The following INPP5A variants were observed in gnomAD, a reference collection of about 807,000 sequenced individuals.
INPP5A encodes the protein 43 kDa inositol polyphosphate 5-phophatase.
Under a neutral mutation model 65.2 loss-of-function variants are expected in INPP5A, and 14 were observed. That is an observed-to-expected ratio of 0.21 (90% confidence interval 0.14 to 0.34). The LOEUF (loss-of-function observed/expected upper bound fraction) is 0.34. Ranked by LOEUF, INPP5A falls within the 10% of genes least tolerant of loss-of-function variation. The probability of loss-of-function intolerance (pLI) is 1.00; values close to 1 mark genes in which losing one functional copy is unlikely to be tolerated. For missense variants in INPP5A, 431 were observed against 545.6 expected, an observed-to-expected ratio of 0.79 and a Z score of 2.09; for synonymous variants, 207 against 208.3, an observed-to-expected ratio of 0.99 and a Z score of 0.05.
Position 132,718,392 on chromosome 10 carries a change from G to A in INPP5A, c.647+7936G>A, listed in dbSNP as rs1231905265. 5.2e-3 allele frequency among the ~76,000 whole-genome samples: 750 copies of A among 144,460 alleles called. 4 individuals carry two copies. The highest frequency in any genetic ancestry group is 7.6e-3 in the Non-Finnish European group (490 of 64,760). 94.8% of individuals were successfully genotyped at this position (144,460 alleles called of 152,430 possible). A position where few individuals can be genotyped will look rare whatever the true frequency, so the allele number is the denominator to read the frequency against. ...TGTGGTGCCTGGGTTCTGTCTGGGC[G>A]CCTTAGACGACTGTCTTGCGGGTTC... is the stretch of plus-strand genomic sequence containing the variant. On this transcript the variant is annotated intron_variant, in intron 8 of 15. Coordinates refer to ENST00000368594, the MANE Select transcript of INPP5A (RefSeq NM_005539.5).
At chr10:132,680,382 C>G (rs186628072) in intron 4 of INPP5A, among the ~76,000 whole-genome samples, 23 of 152,360 alleles carry the variant, frequency 1.5e-4, no homozygotes, top group Admixed American at 1.2e-3. Context: ...TAGGGAGATG[C>G]AGATCCAAAC....
chr10:132,777,127 T>G (rs1847078422), intron 12 of INPP5A, among the ~76,000 whole-genome samples: 1 of 152,110 alleles, frequency 6.6e-6, no homozygotes, highest in Non-Finnish European at 1.5e-5. Flanking sequence ...CAGGAAGCAG[T>G]GAGTCGGGGA....
At chr10:132,591,082 C>G (rs946495955) in intron 1 of INPP5A, among the ~76,000 whole-genome samples, 53 of 152,334 alleles carry the variant, frequency 3.5e-4, no homozygotes, top group Admixed American at 2.9e-3. Flanking sequence ...TCTGTGACTC[C>G]TCTATGGGTC....
intron 12 of INPP5A, among the ~76,000 whole-genome samples, chr10:132,771,572 C>T (rs2134683387): frequency 6.6e-6 from 1 of 152,304 alleles, no homozygotes; most frequent in Admixed American, 6.5e-5. Context: ...AACTCCAGAA[C>T]TGCCCAAAAC....
rs2133334130 is a variant in INPP5A at position 132,603,825 on chromosome 10, C to T, written c.76-4090C>T. Among the ~76,000 whole-genome samples the T allele has an allele frequency of 6.6e-6, 1 of 152,284 alleles. No homozygotes were observed. Among genetic ancestry groups the T allele is most frequent in the Non-Finnish European group, 1.5e-5 (1 of 68,024 alleles). On this transcript the variant is annotated intron_variant, in intron 1 of 15. Transcript: ENST00000368594. This position sits in a 1 kb window ranked among gnomAD's most constrained non-coding sequence, Gnocchi z 4.2. ...TCCGTTTTCAGCCCTTGGTTCTGTA[C>T]TGTGTGGACATGGTGTGGGTCACTG...
chr10:132,687,765 C>G (rs1038493667), intron 4 of INPP5A, among the ~76,000 whole-genome samples: 3 of 152,212 alleles, frequency 2.0e-5, no homozygotes, highest in African/African-American at 7.2e-5. Context: ...GCACTCGCAC[C>G]TGCCACCTGT....
intron 12 of INPP5A, among the ~76,000 whole-genome samples, chr10:132,774,903 GGA>G (rs1190809633): frequency 2.6e-5 from 1 of 39,176 alleles, no homozygotes; most frequent in African/African-American, 8.4e-5. Context: ...GGGGCAGGGA[GGA>G]GAGAGGGGCA....
chr10:132,620,293 A>G (rs1360389837), intron 2 of INPP5A, among the ~76,000 whole-genome samples: 1 of 152,000 alleles, frequency 6.6e-6, no homozygotes, highest in Admixed American at 6.6e-5. Flanking sequence ...AGCCTTTTTG[A>G]TTTTCTTTCC....
Position 132,650,617 on chromosome 10 carries a change from C to T in INPP5A, c.306+112C>T. The T allele has an allele frequency of 1.3e-6, 1 of 753,728 alleles. No homozygotes were observed. The highest frequency in any genetic ancestry group is 2.6e-5 in the East Asian group (1 of 38,706). 46.7% of individuals were successfully genotyped at this position (753,728 alleles called of 1,614,324 possible). A position where few individuals can be genotyped will look rare whatever the true frequency, so the allele number is the denominator to read the frequency against. On this transcript the variant is annotated intron_variant, in intron 4 of 15. Coordinates refer to ENST00000368594, the MANE Select transcript of INPP5A (RefSeq NM_005539.5). The surrounding 1 kb of genome is among the most constrained non-coding windows in gnomAD (Gnocchi z 5.5). The stretch of plus-strand genomic sequence containing the variant: ...TCGGGGTGCTCCCTGCCTGAAGCCT[C>T]ACTCACGCTGCCCTGCCTGGCACTC...
chr10:132,574,713 C>CA (rs2071394535), intron 1 of INPP5A, among the ~76,000 whole-genome samples: 1 of 137,880 alleles, frequency 7.3e-6, no homozygotes, highest in African/African-American at 2.8e-5. Flanking sequence ...TTTTTTGAGA[C>CA]AGAGTCTCGC....
At chr10:132,629,022 G>A (rs561290378) in intron 2 of INPP5A, among the ~76,000 whole-genome samples, 6 of 152,188 alleles carry the variant, frequency 3.9e-5, no homozygotes, top group African/African-American at 1.4e-4. Context: ...ACCCTGAGCC[G>A]TGGCCGCACA....
At chr10:132,708,154 G>A (rs1211038075) in intron 6 of INPP5A, among the ~76,000 whole-genome samples, 159 bp from the exon 7 acceptor site, 1 of 152,194 alleles carries the variant, frequency 6.6e-6, no homozygotes, top group Non-Finnish European at 1.5e-5. Context: ...GAGGATAGGT[G>A]CACAGCTCGG....
rs1847148213 is a variant in INPP5A, at chr10:132,780,839, C to T, written c.1090-10C>T. ...CTCCCCACACTCACCTGTCTGTTTCCCCTTTCCAGTCGGAGAGCGAGGAGA... is the reference window on the plus strand; with the variant it reads ...CTCCCCACACTCACCTGTCTGTTTCTCCTTTCCAGTCGGAGAGCGAGGAGA... On this transcript the variant is annotated splice_polypyrimidine_tract_variant and intron_variant, in intron 13 of 15. Transcript: ENST00000368594. The T allele has an allele frequency of 1.2e-6, 2 of 1,612,836 alleles. No individual in the cohort carries two copies. Among genetic ancestry groups the T allele is most frequent in the African/African-American group, 1.3e-5 (1 of 74,930 alleles).
At chr10:132,615,443 C>A (rs1014347436) in intron 2 of INPP5A, among the ~76,000 whole-genome samples, 7 of 152,228 alleles carry the variant, frequency 4.6e-5, no homozygotes, top group African/African-American at 1.4e-4. Context: ...CTTCTAAACC[C>A]CCAGGCATCT....
At chr10:132,670,361 CCACCCCCCCGACCT>C in intron 4 of INPP5A, among the ~76,000 whole-genome samples, 1 of 63,894 alleles carries the variant, frequency 1.6e-5, no homozygotes, top group Admixed American at 1.3e-4. Flanking sequence ...GCACCTGACC[CCACCCCCCCGACCT>C]CACACCCCCT....
intron 4 of INPP5A, among the ~76,000 whole-genome samples, chr10:132,679,788 T>TG (rs144815975): frequency 0.014 from 2,193 of 152,228 alleles, 20 homozygotes; most frequent in Middle Eastern, 0.051. Context: ...ACACAGACCA[T>TG]GGAGCAGAGG....
chr10:132,548,082 T>G (rs2071002131), intron 1 of INPP5A, among the ~76,000 whole-genome samples: 1 of 152,024 alleles, frequency 6.6e-6, no homozygotes, highest in African/African-American at 2.4e-5. Context: ...TTTTGTATTT[T>G]TAGTAGAGAC....
rs531633390 is a variant in INPP5A at position 132,688,998 on chromosome 10, T to C, written c.307-1394T>C. On this transcript the variant is annotated intron_variant, in intron 4 of 15. Coordinates refer to ENST00000368594, the MANE Select transcript of INPP5A (RefSeq NM_005539.5). ...GTGTATGTGTGCAAGTGTGTGTGAG[T>C]GCCTGTGAGTGCTTGTGCGTGAGTG... Among the ~76,000 whole-genome samples, 3 of 152,284 alleles carry C rather than the reference T, an allele frequency of 2.0e-5. No homozygotes were observed. In the South Asian group the frequency reaches 6.2e-4, roughly 32 times the overall value.
chr10:132,724,400 C>T (rs946443867), intron 8 of INPP5A, among the ~76,000 whole-genome samples: 1 of 152,200 alleles, frequency 6.6e-6, no homozygotes, highest in Non-Finnish European at 1.5e-5. Flanking sequence ...AAGGTGGGGG[C>T]TCCATGCCCG....
Sources: gnomAD v4.1 joint callset for allele counts (sites outside exome capture counted in the v4.1 genomes callset) on GRCh38, gnomAD v4.1.1 for gene constraint, Gnocchi (gnomAD v3.1) non-coding constraint, MANE v1.5 for transcripts, NCBI Gene and HGNC (gene_info 2026-07-23, HGNC 2026-07-21) for gene names.